PDGFD: variants seen among roughly 807,000 people sequenced by gnomAD.
PDGFD encodes the protein platelet-derived growth factor D.
A neutral mutation model predicts 44.7 loss-of-function variants in PDGFD; 30 were observed. The observed-to-expected ratio is 0.67, with a 90% CI of 0.50 to 0.91. PDGFD has a LOEUF of 0.91. Ranked by LOEUF, PDGFD falls within the 40% of genes least tolerant of loss-of-function variation. The pLI, the probability that PDGFD is intolerant of heterozygous loss-of-function variation, is 0.00. For missense variants in PDGFD, 445 were observed against 457.8 expected (o/e 0.97, Z 0.25); for synonymous variants, 173 against 168.4 (o/e 1.03, Z -0.21).
chr11:104,014,821 T>C (rs1483582592), intron 1 of PDGFD, among the ~76,000 whole-genome samples: 1 of 152,168 alleles, frequency 6.6e-6, no homozygotes, highest in African/African-American at 2.4e-5. Flanking sequence ...AATAATCAAA[T>C]AGTCTCTCAC....
chr11:104,040,097 T>C (rs1327734946), intron 1 of PDGFD, among the ~76,000 whole-genome samples: 1 of 152,144 alleles, frequency 6.6e-6, no homozygotes, highest in Non-Finnish European at 1.5e-5. Context: ...TCATTCTTCC[T>C]TCTGCCAAGA....
At chr11:104,032,851 CA>C (rs531386539) in intron 1 of PDGFD, among the ~76,000 whole-genome samples, 1 of 151,156 alleles carries the variant, frequency 6.6e-6, no homozygotes, top group Non-Finnish European at 1.5e-5. Context: ...TCTCACTTAT[CA>C]AAAAAAATTT....
intron 1 of PDGFD, among the ~76,000 whole-genome samples, chr11:104,028,170 A>T (rs1860073779): frequency 6.8e-6 from 1 of 147,458 alleles, no homozygotes; most frequent in Admixed American, 6.9e-5. Context: ...AGCCTGGGCA[A>T]CAGAGCGAGA....
At chr11:103,913,940 G>A (rs576602661) in intron 6 of PDGFD, among the ~76,000 whole-genome samples, 10 of 152,224 alleles carry the variant, frequency 6.6e-5, no homozygotes, top group African/African-American at 1.9e-4. Context: ...AGCCTGTATG[G>A]ACCTTGGGGG....
At chr11:104,036,722 C>G in intron 1 of PDGFD, 1 of 904,562 alleles carries the variant, frequency 1.1e-6, no homozygotes, top group Admixed American at 2.1e-5. Flanking sequence ...TCCCTACCTA[C>G]CAAGTCCTGA....
chr11:104,084,948 T>C (rs1265250501), intron 1 of PDGFD, among the ~76,000 whole-genome samples: 4 of 147,800 alleles, frequency 2.7e-5, no homozygotes, highest in Non-Finnish European at 6.0e-5. Flanking sequence ...ATATATCACA[T>C]ATAAATAAAT....
chr11:103,924,211 A>G (rs1051705474), intron 6 of PDGFD, among the ~76,000 whole-genome samples: 2 of 152,210 alleles, frequency 1.3e-5, no homozygotes, highest in Non-Finnish European at 2.9e-5. Flanking sequence ...GATAAAAATA[A>G]AGCACTCCAC....
intron 1 of PDGFD, among the ~76,000 whole-genome samples, chr11:104,020,152 G>A (rs621702): frequency 0.2 from 30,538 of 151,936 alleles, 3,392 homozygotes; most frequent in African/African-American, 0.3. Context: ...TTGCTTCAGA[G>A]AGTAGAAGCA....
At position 104,019,567 on chromosome 11, in the gene PDGFD, GAC is replaced by G. The variant is rs550615334; in HGVS notation, c.125-19314_125-19313del. ...ACACGATACGGCCAGGGAGACAAAA[GAC>G]ATAAATCTAACAAAGTGAGATATAT... On this transcript the variant is annotated intron_variant, in intron 1 of 6. Transcript: ENST00000393158. 5.9e-5 allele frequency among the ~76,000 whole-genome samples: 9 copies of G among 152,230 alleles called. No individual in the cohort carries two copies. The South Asian group carries it at 1.2e-3, about 21-fold the overall frequency.
At chr11:103,958,758 C>G (rs933667558) in intron 3 of PDGFD, among the ~76,000 whole-genome samples, 2 of 152,004 alleles carry the variant, frequency 1.3e-5, no homozygotes, top group Admixed American at 6.6e-5. Flanking sequence ...ACTTGACTGA[C>G]GTTATATAAA....
chr11:104,161,954 T>A (rs72983051), intron 1 of PDGFD, among the ~76,000 whole-genome samples: 11,586 of 108,648 alleles, frequency 0.11, 624 homozygotes, highest in African/African-American at 0.19. Flanking sequence ...AAAGAGAGTG[T>A]GTGTGTGTGT....
intron 1 of PDGFD, among the ~76,000 whole-genome samples, chr11:104,045,908 T>A (rs1860434480): frequency 6.9e-6 from 1 of 145,898 alleles, no homozygotes; most frequent in South Asian, 2.4e-4. Context: ...GAGTGACTGG[T>A]TGAGGAGGGG....
chr11:104,023,229 A>C (rs1859990993), intron 1 of PDGFD, among the ~76,000 whole-genome samples: 1 of 152,184 alleles, frequency 6.6e-6, no homozygotes. Context: ...CAAGGTAAGC[A>C]ACAGAAAACG....
chr11:104,119,513 T>TTGATATAATATA lies in PDGFD; in HGVS notation c.124+44290_124+44291insTATATTATATCA, dbSNP rs1565340947. Among the ~76,000 whole-genome samples, 13 of 39,752 alleles carry TTGATATAATATA rather than the reference T, an allele frequency of 3.3e-4. 2 individuals carry two copies. The highest frequency in any genetic ancestry group is 1.3e-3 in the African/African-American group (12 of 9,472). The allele number at this position is 39,752 out of a possible 152,430, so 26.1% of individuals were successfully genotyped here. A position where few individuals can be genotyped will look rare whatever the true frequency, so the allele number is the denominator to read the frequency against. On this transcript the variant is annotated intron_variant, in intron 1 of 6. Transcript: ENST00000393158. ...ATATATTGATATAATATATAATATA[T>TTGATATAATATA]TAATATAATATATTGATATAATATA...
chr11:104,020,482 A>G (rs1004127611), intron 1 of PDGFD, among the ~76,000 whole-genome samples: 2 of 152,174 alleles, frequency 1.3e-5, no homozygotes. Flanking sequence ...AACCATATAA[A>G]TATCAATAAT....
chr11:104,019,988 T>C (rs1415248422), intron 1 of PDGFD, among the ~76,000 whole-genome samples: 1 of 152,112 alleles, frequency 6.6e-6, no homozygotes, highest in African/African-American at 2.4e-5. Flanking sequence ...ATGGAAATGT[T>C]TTACTAAATG....
intron 1 of PDGFD, among the ~76,000 whole-genome samples, chr11:104,061,874 T>A (rs1327007878): frequency 6.6e-6 from 1 of 152,076 alleles, no homozygotes; most frequent in Non-Finnish European, 1.5e-5. Context: ...TCCCAAAATG[T>A]TGAGATTACA....
chr11:104,014,046 C>T (rs1345238347), intron 1 of PDGFD, among the ~76,000 whole-genome samples: 1 of 152,140 alleles, frequency 6.6e-6, no homozygotes, highest in Non-Finnish European at 1.5e-5. Flanking sequence ...GATTCTGAGC[C>T]TGTGTCTATG....
intron 5 of PDGFD, among the ~76,000 whole-genome samples, chr11:103,934,757 C>T (rs976568543): frequency 6.6e-6 from 1 of 152,118 alleles, no homozygotes; most frequent in Non-Finnish European, 1.5e-5. Flanking sequence ...AAAACCATCC[C>T]CATGATTCAA....
Sources: allele counts gnomAD v4.1 joint callset (sites outside exome capture counted in the v4.1 genomes callset), GRCh38; gene constraint gnomAD v4.1.1; transcripts MANE v1.5; gene names NCBI Gene and HGNC (gene_info 2026-07-23, HGNC 2026-07-21).